The following CNTN5 variants were observed in gnomAD, a reference collection of about 807,000 sequenced individuals.
CNTN5 encodes contactin-5.
In CNTN5, 77 loss-of-function variants were observed where a neutral mutation model predicts 129.1. The ratio of observed to expected loss-of-function variants is 0.60; its 90% CI spans 0.50 to 0.72. The LOEUF (loss-of-function observed/expected upper bound fraction) is 0.72. CNTN5 is among the 30% of genes least tolerant of loss of function. The pLI is 0.00. For missense variants in CNTN5, 1,478 were observed against 1,328.8 expected (o/e 1.11, Z -1.75); for synonymous variants, 509 against 465.6 (o/e 1.09, Z -1.20).
intron 15 of CNTN5, among the ~76,000 whole-genome samples, chr11:100,215,043 G>A (rs1949109824): frequency 6.6e-6 from 1 of 152,172 alleles, no homozygotes. Flanking sequence ...CTTCTGCCAA[G>A]TCTAGAATCC....
At chr11:100,179,609 C>T (rs73560697) in intron 13 of CNTN5, among the ~76,000 whole-genome samples, 4,718 of 152,028 alleles carry the variant, frequency 0.031, 246 homozygotes, top group African/African-American at 0.11. Flanking sequence ...AGAAATGTGA[C>T]ACCCTTGAAT....
chr11:99,320,727 G>A (rs1299931744), intron 1 of CNTN5, among the ~76,000 whole-genome samples: 1 of 152,178 alleles, frequency 6.6e-6, no homozygotes, highest in Non-Finnish European at 1.5e-5. Flanking sequence ...GAATAAAATA[G>A]GGCAAATGTT....
intron 3 of CNTN5, among the ~76,000 whole-genome samples, chr11:99,729,562 A>G (rs1331375395): frequency 6.6e-6 from 1 of 152,110 alleles, no homozygotes; most frequent in African/African-American, 2.4e-5. Flanking sequence ...TAGAAACTAG[A>G]GGGCTGGTTC....
chr11:99,925,272 G>T (rs1050643001), intron 7 of CNTN5, among the ~76,000 whole-genome samples: 1 of 152,178 alleles, frequency 6.6e-6, no homozygotes, highest in Non-Finnish European at 1.5e-5. Context: ...AAGGCAACTG[G>T]AGTAAGTGCA....
chr11:100,155,014 C>G (rs970434224), intron 13 of CNTN5, among the ~76,000 whole-genome samples: 1 of 152,068 alleles, frequency 6.6e-6, no homozygotes, highest in Non-Finnish European at 1.5e-5. Context: ...TGCAGAAACT[C>G]TTTAGTTTAA....
chr11:100,288,914 T>A (rs201153159), intron 18 of CNTN5, among the ~76,000 whole-genome samples: 6,573 of 151,746 alleles, frequency 0.043, 206 homozygotes, highest in East Asian at 0.18. Context: ...CAATAAAAAA[T>A]GATAAAGGAG....
intron 3 of CNTN5, among the ~76,000 whole-genome samples, chr11:99,749,108 T>TATCC (rs149061512): frequency 0.15 from 22,875 of 152,062 alleles, 2,625 homozygotes; most frequent in East Asian, 0.6. Flanking sequence ...AACTACAGAT[T>TATCC]ATCCACATGG....
intron 1 of CNTN5, among the ~76,000 whole-genome samples, chr11:99,031,635 A>G (rs1377057849): frequency 6.8e-6 from 1 of 147,766 alleles, no homozygotes; most frequent in African/African-American, 2.6e-5. Flanking sequence ...AGCTATTTGA[A>G]AAAAAAACCA....
chr11:99,587,384 A>G (rs886110705), intron 3 of CNTN5, among the ~76,000 whole-genome samples: 1 of 152,248 alleles, frequency 6.6e-6, no homozygotes, highest in Non-Finnish European at 1.5e-5. Context: ...ACTTAAAGAC[A>G]CAGTGTCTCC....
intron 3 of CNTN5, among the ~76,000 whole-genome samples, chr11:99,733,381 A>C (rs927812628): frequency 1.3e-4 from 20 of 149,678 alleles, no homozygotes; most frequent in Admixed American, 6.6e-4. Flanking sequence ...TGCTGGTTTC[A>C]CTATGTCTCA....
chr11:100,253,399 T>C (rs1399238175), intron 16 of CNTN5, among the ~76,000 whole-genome samples: 1 of 152,156 alleles, frequency 6.6e-6, no homozygotes, highest in Non-Finnish European at 1.5e-5. Context: ...ATTGACTAAA[T>C]AATTTATTAT....
intron 2 of CNTN5, among the ~76,000 whole-genome samples, chr11:99,392,284 T>G (rs1321865503): frequency 1.3e-5 from 2 of 151,088 alleles, no homozygotes; most frequent in Non-Finnish European, 3.0e-5. Context: ...AGTACTAGAG[T>G]TTTTATTGTT....
chr11:99,679,320 T>C (rs1953450351), intron 3 of CNTN5, among the ~76,000 whole-genome samples: 1 of 151,836 alleles, frequency 6.6e-6, no homozygotes, highest in Non-Finnish European at 1.5e-5. Flanking sequence ...ACTGTGGAGA[T>C]ACCTTGTGCT....
chr11:99,780,347 C>G (rs901305013), intron 3 of CNTN5, among the ~76,000 whole-genome samples: 9 of 152,034 alleles, frequency 5.9e-5, no homozygotes, highest in African/African-American at 9.7e-5. Flanking sequence ...AAGATTATTA[C>G]TACTTAATTA....
At chr11:99,929,410 T>C (rs1950139848) in intron 7 of CNTN5, among the ~76,000 whole-genome samples, 1 of 152,142 alleles carries the variant, frequency 6.6e-6, no homozygotes, top group Non-Finnish European at 1.5e-5. Flanking sequence ...AGTGCCCCAC[T>C]CTCCGTGGTG....
At chr11:99,864,441 A>G (rs746228517) in intron 6 of CNTN5, among the ~76,000 whole-genome samples, 17 of 151,816 alleles carry the variant, frequency 1.1e-4, no homozygotes, top group Non-Finnish European at 2.2e-4. Context: ...TCCATATCTT[A>G]TTTGTGCACC....
intron 3 of CNTN5, among the ~76,000 whole-genome samples, chr11:99,570,633 C>T (rs1028789478): frequency 6.6e-6 from 1 of 152,108 alleles, no homozygotes; most frequent in Non-Finnish European, 1.5e-5. Context: ...TTGCTAGGTG[C>T]TAAGGCTATA....
rs192011595 is a variant in CNTN5, at chr11:100,226,747, G to A, written c.2005+1935G>A. On this transcript the variant is annotated intron_variant, in intron 16 of 24. Coordinates refer to ENST00000524871, the MANE Select transcript of CNTN5 (RefSeq NM_014361.4). ...GACAGATTTAAACACTGAACTAAGA[G>A]TTCTGGTTCTCTTTTAAAAAATTTT... 2.9e-4 allele frequency among the ~76,000 whole-genome samples: 43 copies of A among 150,264 alleles called. No homozygotes were observed. In the East Asian group the frequency reaches 6.6e-3, roughly 23 times the overall value.
At chr11:99,511,402 G>A (rs1946830695) in intron 2 of CNTN5, among the ~76,000 whole-genome samples, 1 of 152,068 alleles carries the variant, frequency 6.6e-6, no homozygotes, top group Non-Finnish European at 1.5e-5. Context: ...ACTGTGGTCT[G>A]AGAGACAGTT....
Sources: allele counts gnomAD v4.1 joint callset (sites outside exome capture counted in the v4.1 genomes callset), GRCh38; gene constraint gnomAD v4.1.1; transcripts MANE v1.5; gene names NCBI Gene and HGNC (gene_info 2026-07-23, HGNC 2026-07-21).